EIF2B2: variants seen among roughly 807,000 people sequenced by gnomAD.
The protein encoded by EIF2B2 is translation initiation factor eIF2B subunit beta.
A neutral mutation model predicts 34.7 loss-of-function variants in EIF2B2; 34 were observed. That is an observed-to-expected ratio of 0.98 (90% CI 0.75 to 1.31). The LOEUF is 1.31. EIF2B2 is among the 50% of genes most tolerant of loss of function. EIF2B2 has a pLI of 0.00. For missense variants in EIF2B2, 361 were observed against 447.7 expected, an observed-to-expected ratio of 0.81 and a Z score of 1.75; for synonymous variants, 155 against 171.6, an observed-to-expected ratio of 0.90 and a Z score of 0.76.
chr14:75,004,689 A>ATATATATATATATATATTTTT, intron 3 of EIF2B2, 48 bp from the exon 4 acceptor site: 2 of 146,208 alleles, frequency 1.4e-5, no homozygotes, highest in African/African-American at 1.4e-4. Flanking sequence ...ATATATATAT[A>ATATATATATATATATATTTTT]TTTTTTTTTT....
chr14:75,007,635 G>A (rs781683438), intron 6 of EIF2B2, 87 bp from the exon 7 acceptor site: 89 of 1,157,130 alleles, frequency 7.7e-5, no homozygotes, highest in Non-Finnish European at 1.0e-4. Context: ...TAAGTTTTCT[G>A]TGTGGACATA....
rs175046 is a variant in EIF2B2, at chr14:75,012,083, T to C, written c.*2895T>C. The C allele has an allele frequency of 0.99, 150,042 of 152,264 alleles. 73,953 individuals are homozygous for C. The highest frequency in any genetic ancestry group is 1 in the East Asian group (5,168 of 5,168). The allele number at this position is 152,264 out of a possible 1,614,324, so 9.4% of individuals were successfully genotyped here. On this transcript the variant is annotated 3_prime_UTR_variant, in exon 8 of 8. Transcript: ENST00000266126. ...GTAAACCCTATTAAGGCTCATCTTC[T>C]TATTTCCCCTCTCTCCGTTTCCCTA...
In EIF2B2 at chr14:75,002,943, G is replaced by A. The variant is rs1389292273; in HGVS notation, c.-48G>A. ...CCCGGAAGTGCAAACTGTGTGGTCT[G>A]GCAGGTGTGGATTCCGCCGGTGAAG... On this transcript the variant is annotated 5_prime_UTR_variant, in exon 1 of 8. Transcript: ENST00000266126. 1 of 1,612,820 alleles carries A rather than the reference G, an allele frequency of 6.2e-7. No individual in the cohort carries two copies. Among genetic ancestry groups the A allele is most frequent in the Non-Finnish European group, 8.5e-7 (1 of 1,179,884 alleles).
chr14:75,006,535 T>C lies in EIF2B2; in HGVS notation c.694-42T>C, dbSNP rs1012233400. On this transcript the variant is annotated intron_variant, in intron 5 of 7. Transcript: ENST00000266126. This position sits in a 1 kb window ranked among gnomAD's most constrained non-coding sequence, Gnocchi z 4.1. The stretch of plus-strand genomic sequence containing the variant: ...TTGTGGCCAGTGGCCCTTTTAGGGC[T>C]CCACCCCCAGGATGGCTCACATTTT... 3 of 1,610,680 alleles carry C rather than the reference T, an allele frequency of 1.9e-6. No individual in the cohort carries two copies. Among genetic ancestry groups the C allele is most frequent in the Admixed American group, 3.3e-5 (2 of 60,030 alleles).
chr14:75,007,840 G>T, intron 7 of EIF2B2, 52 bp downstream of exon 7: 1 of 1,560,506 alleles, frequency 6.4e-7, no homozygotes, highest in Non-Finnish European at 8.8e-7. Context: ...TTCGGGGTTT[G>T]TGTGTGCATG....
At position 75,003,135 on chromosome 14, in the gene EIF2B2, C is replaced by T; in HGVS notation, c.145C>T (p.His49Tyr). The change falls in exon 1 of 8, where the codon CAC (histidine) becomes TAC (tyrosine). Residue 49 changes from histidine to tyrosine, a missense_variant. Physicochemically the swap from His to Tyr is moderately conservative, Grantham distance 83. Coordinates refer to ENST00000266126, the MANE Select transcript of EIF2B2 (RefSeq NM_014239.4). ...GTTGCTGCGCCAGATCATCACGGAC[C>T]ACCGCTGGAGCAACGCGGGTGAGGC... Reference protein sequence around the residue: ...LGLLRQIITDHRWSNAGELME... With the variant: ...LGLLRQIITDYRWSNAGELME... 1 of 1,613,464 alleles carries T rather than the reference C, an allele frequency of 6.2e-7. No homozygotes were observed. The highest frequency in any genetic ancestry group is 2.2e-5 in the East Asian group (1 of 44,866).
At position 75,006,040 on chromosome 14, in the gene EIF2B2, C is replaced by T; in HGVS notation, c.693+79C>T. On this transcript the variant is annotated intron_variant, in intron 5 of 7. Coordinates refer to ENST00000266126, the MANE Select transcript of EIF2B2 (RefSeq NM_014239.4). The surrounding 1 kb of genome is among the most constrained non-coding windows in gnomAD (Gnocchi z 4.1). ...TGATTTTTATCTCCTCCTGTAATATCCACGGTGAGAGAATAAAGTTTCTAG... is the reference window on the plus strand; with the variant it reads ...TGATTTTTATCTCCTCCTGTAATATTCACGGTGAGAGAATAAAGTTTCTAG... 1 of 1,165,846 alleles carries T rather than the reference C, an allele frequency of 8.6e-7. No homozygotes were observed. The highest frequency in any genetic ancestry group is 2.0e-4 in the Middle Eastern group (1 of 5,104). 72.2% of individuals were successfully genotyped at this position (1,165,846 alleles called of 1,614,324 possible). A position where few individuals can be genotyped will look rare whatever the true frequency, so the allele number is the denominator to read the frequency against.
chr14:75,006,487 C>G lies in EIF2B2; in HGVS notation c.694-90C>G. The G allele has an allele frequency of 6.3e-7, 1 of 1,581,132 alleles. No individual in the cohort carries two copies. Among genetic ancestry groups the G allele is most frequent in the South Asian group, 1.1e-5 (1 of 90,372 alleles). ...TCTGTGACCCCTCACGATACCAATTCTGAGGTCTAAGCATTTAGCTTTTTG... is the reference window on the plus strand; with the variant it reads ...TCTGTGACCCCTCACGATACCAATTGTGAGGTCTAAGCATTTAGCTTTTTG... On this transcript the variant is annotated intron_variant, in intron 5 of 7. Coordinates refer to ENST00000266126, the MANE Select transcript of EIF2B2 (RefSeq NM_014239.4). The surrounding 1 kb of genome is among the most constrained non-coding windows in gnomAD (Gnocchi z 4.1).
chr14:75,009,387 G>C lies in EIF2B2; in HGVS notation c.*199G>C. On this transcript the variant is annotated 3_prime_UTR_variant, in exon 8 of 8. Transcript: ENST00000266126. ...ATCCAGGACTGTGTCTTGCCTTTCA[G>C]ATCTTAACAGAGCAGCAGGGCTTAA... is the stretch of plus-strand genomic sequence containing the variant. The C allele has an allele frequency of 1.6e-6, 1 of 623,200 alleles. No individual in the cohort carries two copies. The highest frequency in any genetic ancestry group is 2.9e-6 in the Non-Finnish European group (1 of 349,152). 38.6% of individuals were successfully genotyped at this position (623,200 alleles called of 1,614,324 possible). A position where few individuals can be genotyped will look rare whatever the true frequency, so the allele number is the denominator to read the frequency against.
Position 75,004,811 on chromosome 14 carries a change from T to A in EIF2B2, c.508T>A (p.Phe170Ile). Reference sequence around the variant, plus strand: ...CAATGAGGTGATCATGACCATTGGCTTCTCCCGAACAGTAGAGGCCTTCCT... The same window carrying A: ...CAATGAGGTGATCATGACCATTGGCATCTCCCGAACAGTAGAGGCCTTCCT... ...HSNEVIMTIG[F>I]SRTVEAFLKE... is the part of the protein sequence containing the mutation. Residue 170 changes from phenylalanine to isoleucine, a missense_variant, in exon 4 of 8, where the codon TTC becomes ATC. Physicochemically the swap from Phe to Ile is conservative, Grantham distance 21. Transcript: ENST00000266126. 1 of 1,610,992 alleles carries A rather than the reference T, an allele frequency of 6.2e-7. No homozygotes were observed. Among genetic ancestry groups the A allele is most frequent in the Non-Finnish European group, 8.5e-7 (1 of 1,179,182 alleles).
Position 75,007,766 on chromosome 14 carries a change from AG to A in EIF2B2, c.877del (p.Glu293LysfsTer47). 2 of 1,613,962 alleles carry A rather than the reference AG, an allele frequency of 1.2e-6. No individual in the cohort carries two copies. The highest frequency in any genetic ancestry group is 1.7e-6 in the Non-Finnish European group (2 of 1,179,936). On this transcript the variant is annotated frameshift_variant, in exon 7 of 8. Coordinates refer to ENST00000266126, the MANE Select transcript of EIF2B2 (RefSeq NM_014239.4). LOFTEE classifies it high-confidence loss of function. Reference sequence around the variant, plus strand: ...CATTTCATAAGTTTGTGGCTCCTGAAGAAGTCCTGCCATTCACAGAAGGTAC... The same window carrying A: ...CATTTCATAAGTTTGTGGCTCCTGAAAAGTCCTGCCATTCACAGAAGGTAC... Reference protein sequence around the residue: ...DSFHKFVAPEEVLPFTEGDIL... With the variant: ...DSFHKFVAPEXVLPFTEGDIL...
Position 75,006,027 on chromosome 14 carries a change from C to T in EIF2B2, c.693+66C>T, listed in dbSNP as rs1889622159. On this transcript the variant is annotated intron_variant, in intron 5 of 7. Transcript: ENST00000266126. The surrounding 1 kb of genome is among the most constrained non-coding windows in gnomAD (Gnocchi z 4.1). ...GTTTCTAAAATATTGATTTTTATCT[C>T]CTCCTGTAATATCCACGGTGAGAGA... is the stretch of plus-strand genomic sequence containing the variant. 3.1e-6 allele frequency: 4 copies of T among 1,300,430 alleles called. No individual in the cohort carries two copies. In the South Asian group the frequency reaches 3.6e-5, roughly 12 times the overall value. The allele number at this position is 1,300,430 out of a possible 1,614,324, so 80.6% of individuals were successfully genotyped here. A position where few individuals can be genotyped will look rare whatever the true frequency, so the allele number is the denominator to read the frequency against.
rs546353797 is a variant in EIF2B2 at position 75,010,882 on chromosome 14, G to A, written c.*1694G>A. 1.2e-4 allele frequency: 18 copies of A among 152,248 alleles called. No homozygotes were observed. Among genetic ancestry groups the A allele is most frequent in the African/African-American group, 4.3e-4 (18 of 41,550 alleles). The allele number at this position is 152,248 out of a possible 1,614,324, so 9.4% of individuals were successfully genotyped here. A position where few individuals can be genotyped will look rare whatever the true frequency, so the allele number is the denominator to read the frequency against. On this transcript the variant is annotated 3_prime_UTR_variant, in exon 8 of 8. Transcript: ENST00000266126. ...AGCTGCAGAGCAATATGCATAATAC[G>A]GACTCATTTCCATAAAACAACACTG...
Position 75,002,949 on chromosome 14 carries a change from T to G in EIF2B2, c.-42T>G. 1.2e-6 allele frequency: 2 copies of G among 1,612,590 alleles called. No individual in the cohort carries two copies. The highest frequency in any genetic ancestry group is 1.7e-6 in the Non-Finnish European group (2 of 1,179,918). ...AGTGCAAACTGTGTGGTCTGGCAGG[T>G]GTGGATTCCGCCGGTGAAGGCTGAA... is the stretch of plus-strand genomic sequence containing the variant. On this transcript the variant is annotated 5_prime_UTR_variant, in exon 1 of 8. Transcript: ENST00000266126.
chr14:75,004,670 TA>T lies in EIF2B2; in HGVS notation c.434-66del. The T allele has an allele frequency of 1.4e-5, 2 of 144,632 alleles. 1 individual carries two copies. Among genetic ancestry groups the T allele is most frequent in the Non-Finnish European group, 1.8e-5 (2 of 110,518 alleles). 9.0% of individuals were successfully genotyped at this position (144,632 alleles called of 1,614,324 possible). On this transcript the variant is annotated intron_variant, in intron 3 of 7. Coordinates refer to ENST00000266126, the MANE Select transcript of EIF2B2 (RefSeq NM_014239.4). The stretch of plus-strand genomic sequence containing the variant: ...GTGTTTGTGATATAGCAATTTCATA[TA>T]TATATATATATATATATATTTTTTT...
At position 75,010,465 on chromosome 14, in the gene EIF2B2, G is replaced by T. The variant is rs1227266942; in HGVS notation, c.*1277G>T. 1 of 152,210 alleles carries T rather than the reference G, an allele frequency of 6.6e-6. No individual in the cohort carries two copies. The highest frequency in any genetic ancestry group is 1.5e-5 in the Non-Finnish European group (1 of 68,040). 9.4% of individuals were successfully genotyped at this position (152,210 alleles called of 1,614,324 possible). ...ATGGCAATAGAAGTTTCAAAAGGAT[G>T]GCTGGAGGGGCAGTGTCTGGATTGA... On this transcript the variant is annotated 3_prime_UTR_variant, in exon 8 of 8. Coordinates refer to ENST00000266126, the MANE Select transcript of EIF2B2 (RefSeq NM_014239.4).
chr14:75,005,068 T>C (rs1302300293), intron 4 of EIF2B2, 168 bp downstream of exon 4: 2 of 738,044 alleles, frequency 2.7e-6, no homozygotes, highest in African/African-American at 3.5e-5. Flanking sequence ...CCTGTGAACA[T>C]TCATAAATAG....
chr14:75,007,598 A>C, intron 6 of EIF2B2, 124 bp from the exon 7 acceptor site: 1 of 796,320 alleles, frequency 1.3e-6, no homozygotes, highest in Non-Finnish European at 2.0e-6. Context: ...GGCTTTTGTG[A>C]ATAATGCTGC....
At position 75,009,306 on chromosome 14, in the gene EIF2B2, A is replaced by G. The variant is rs1889672102; in HGVS notation, c.*118A>G. The stretch of plus-strand genomic sequence containing the variant: ...GGAGTGCACAGGAGTCCACCTAAAA[A>G]AAAAATCCTTGATACTGTTGCCTGC... On this transcript the variant is annotated 3_prime_UTR_variant, in exon 8 of 8. Coordinates refer to ENST00000266126, the MANE Select transcript of EIF2B2 (RefSeq NM_014239.4). 7.6e-7 allele frequency: 1 copy of G among 1,316,156 alleles called. No homozygotes were observed. Among genetic ancestry groups the G allele is most frequent in the Non-Finnish European group, 1.1e-6 (1 of 921,462 alleles). The allele number at this position is 1,316,156 out of a possible 1,614,324, so 81.5% of individuals were successfully genotyped here.
Sources: allele counts gnomAD v4.1 joint callset, GRCh38; gene constraint gnomAD v4.1.1; non-coding constraint Gnocchi (gnomAD v3.1); transcripts MANE v1.5; gene names NCBI Gene and HGNC (gene_info 2026-07-23, HGNC 2026-07-21).